SLC44A4: variants seen among roughly 807,000 people sequenced by gnomAD.
SLC44A4 encodes the protein solute carrier family 44 member 4, also known as choline transporter-like protein 4.
A neutral mutation model predicts 97.0 loss-of-function variants in SLC44A4; 74 were observed. That is an observed-to-expected ratio of 0.76 (90% CI 0.63 to 0.93). SLC44A4 has a LOEUF of 0.93. Ranked by LOEUF, SLC44A4 falls within the 40% of genes least tolerant of loss-of-function variation. The pLI, the probability that SLC44A4 is intolerant of heterozygous loss-of-function variation, is 0.00. For missense variants in SLC44A4, 799 were observed against 902.9 expected, an observed-to-expected ratio of 0.88 and a Z score of 1.48; for synonymous variants, 325 against 363.8, an observed-to-expected ratio of 0.89 and a Z score of 1.21.
chr6:31,865,251 C>T lies in SLC44A4; in HGVS notation c.1760+64G>A, dbSNP rs899485532. On this transcript the variant is annotated intron_variant, in intron 17 of 20. Coordinates refer to ENST00000229729, the MANE Select transcript of SLC44A4 (RefSeq NM_025257.3). The surrounding 1 kb of genome is among the most constrained non-coding windows in gnomAD (Gnocchi z 5.2). ...GGCCCGACTGAGCACAGCACACCCA[C>T]GAAGCCAGCCTTGGGTGGGAGATCA... The T allele has an allele frequency of 2.7e-5, 43 of 1,591,774 alleles. No individual in the cohort carries two copies. The highest frequency in any genetic ancestry group is 3.4e-5 in the Non-Finnish European group (40 of 1,160,052).
At chr6:31,871,784 G>A (rs993664276) in intron 7 of SLC44A4, among the ~76,000 whole-genome samples, 1 of 152,122 alleles carries the variant, frequency 6.6e-6, no homozygotes, top group East Asian at 1.9e-4. Context: ...CCTCCTCTCC[G>A]CTGGCCTCAA....
chr6:31,875,934 C>G lies in SLC44A4; in HGVS notation c.164-4G>C. The G allele has an allele frequency of 6.2e-7, 1 of 1,613,900 alleles. No individual in the cohort carries two copies. The highest frequency in any genetic ancestry group is 1.1e-5 in the South Asian group (1 of 91,026). ...CGGGGGTCTCCATACAACCAGGCTG[C>G]AGACAGAGGCACAGATGAGTCATTG... is the stretch of plus-strand genomic sequence containing the variant. On this transcript the variant is annotated splice_polypyrimidine_tract_variant and splice_region_variant and intron_variant, in intron 3 of 20. Coordinates refer to ENST00000229729, the MANE Select transcript of SLC44A4 (RefSeq NM_025257.3).
At chr6:31,869,125 C>G (rs1394214756) in intron 13 of SLC44A4, 30 bp downstream of exon 13, 1 of 1,568,390 alleles carries the variant, frequency 6.4e-7, no homozygotes, top group East Asian at 2.2e-5. Context: ...CCCTACTAGT[C>G]CCGCCTCCAT....
In SLC44A4 at chr6:31,870,995, G is replaced by C. The variant is rs1166940783; in HGVS notation, c.754C>G (p.Leu252Val). 1 of 1,612,722 alleles carries C rather than the reference G, an allele frequency of 6.2e-7. No homozygotes were observed. Among genetic ancestry groups the C allele is most frequent in the Non-Finnish European group, 8.5e-7 (1 of 1,179,936 alleles). The change falls in exon 10 of 21, where the codon CTG (leucine) becomes GTG (valine). Residue 252 changes from leucine (L) to valine (V), a missense_variant. This residue lies in a region of SLC44A4 where 409 missense variants were observed against 434.1 expected (regional missense o/e 0.94). Coordinates refer to ENST00000229729, the MANE Select transcript of SLC44A4 (RefSeq NM_025257.3). ...LSLLFILLLR[L>V]VAGPLVLVLI... ...ACCAGCACCAGGGGCCCAGCCACCAGGCGCAGAAGCAAGATAAACAGTAGG... is the reference window on the plus strand; with the variant it reads ...ACCAGCACCAGGGGCCCAGCCACCACGCGCAGAAGCAAGATAAACAGTAGG...
At position 31,869,231 on chromosome 6, in the gene SLC44A4, T is replaced by C; in HGVS notation, c.1157A>G (p.Gln386Arg). ...GATGTTGGATGCCCAGAGCACATAC[T>C]GGGGTTGCCCCGATGTAGCCAGGTA... ...ALYLATSGQP[Q>R]YVLWASNISS... Residue 386 changes from glutamine (Q) to arginine (R), a missense_variant, in exon 13 of 21, where the codon CAG becomes CGG. By Grantham distance (43) the Gln-to-Arg change is conservative. Coordinates refer to ENST00000229729, the MANE Select transcript of SLC44A4 (RefSeq NM_025257.3). 1 of 1,609,690 alleles carries C rather than the reference T, an allele frequency of 6.2e-7. No homozygotes were observed. Among genetic ancestry groups the C allele is most frequent in the Non-Finnish European group, 8.5e-7 (1 of 1,178,458 alleles).
Position 31,871,893 on chromosome 6 carries a change from G to A in SLC44A4, c.530-332C>T, listed in dbSNP as rs142239160. On this transcript the variant is annotated intron_variant, in intron 7 of 20. Coordinates refer to ENST00000229729, the MANE Select transcript of SLC44A4 (RefSeq NM_025257.3). The stretch of plus-strand genomic sequence containing the variant: ...TGGACTTCATCACTCCAGGGTTCTG[G>A]GTCCCTTTGTGACTCAGACATCTCC... Among the ~76,000 whole-genome samples, 430 of 152,138 alleles carry A rather than the reference G, an allele frequency of 2.8e-3. 3 individuals carry two copies. The highest frequency in any genetic ancestry group is 8.5e-3 in the African/African-American group (352 of 41,482).
Position 31,866,126 on chromosome 6 carries a change from C to T in SLC44A4, c.1234G>A (p.Ala412Thr). The change falls in exon 14 of 21, where the codon GCC (alanine) becomes ACC (threonine). Residue 412 changes from alanine (A) to threonine (T), a missense_variant and splice_region_variant. Transcript: ENST00000229729. ...GGGCACGAGGAGTTCACAAGGTGGG[C>T]CTGGGAGGGTAGACGGGGATAGAGT... ...VPINTSCNPT[A>T]HLVNSSCPGL... 5.0e-6 allele frequency: 8 copies of T among 1,613,648 alleles called. No individual in the cohort carries two copies. Among genetic ancestry groups the T allele is most frequent in the Non-Finnish European group, 6.8e-6 (8 of 1,179,824 alleles).
Position 31,870,907 on chromosome 6 carries a change from C to T in SLC44A4, c.842G>A (p.Arg281Gln), listed in dbSNP as rs746783318. 1.7e-5 allele frequency: 27 copies of T among 1,612,896 alleles called. 1 individual carries two copies. Among genetic ancestry groups the T allele is most frequent in the African/African-American group, 2.7e-5 (2 of 74,880 alleles). The change falls in exon 10 of 21, where the codon CGA (arginine) becomes CAA (glutamine). Residue 281 changes from arginine (R) to glutamine (Q), a missense_variant. Coordinates refer to ENST00000229729, the MANE Select transcript of SLC44A4 (RefSeq NM_025257.3). ...GGAGGCGCCCTTGTCCCGCAGCACT[C>T]GGTACTCCTCCCAGCAGTAGTAGAT... ...YGIYYCWEEYRVLRDKGASIS... is the reference protein window; with the variant it reads ...YGIYYCWEEYQVLRDKGASIS...
rs1030869045 is a variant in SLC44A4, at chr6:31,863,510, C to A, written c.*117G>T. On this transcript the variant is annotated 3_prime_UTR_variant, in exon 21 of 21. Transcript: ENST00000229729. ...CAAAGTGTTGGATTACAGGCGTGAG[C>A]CACGGCGCCTGGCCTAAAACCTTTT... The A allele has an allele frequency of 2.1e-6, 3 of 1,398,100 alleles. No individual in the cohort carries two copies. Among genetic ancestry groups the A allele is most frequent in the Non-Finnish European group, 2.8e-6 (3 of 1,057,956 alleles). 86.6% of individuals were successfully genotyped at this position (1,398,100 alleles called of 1,614,324 possible).
chr6:31,868,197 C>G (rs1253569719), intron 13 of SLC44A4, among the ~76,000 whole-genome samples: 1 of 152,190 alleles, frequency 6.6e-6, no homozygotes, highest in African/African-American at 2.4e-5. Context: ...GAAGATATGA[C>G]AGGTTTGAGA....
At chr6:31,867,824 C>CTTTTT (rs3997888) in intron 13 of SLC44A4, among the ~76,000 whole-genome samples, 2 of 137,612 alleles carry the variant, frequency 1.5e-5, no homozygotes, top group Admixed American at 7.3e-5. Context: ...GTAAATAAAC[C>CTTTTT]TTTTTTTTTT....
At chr6:31,864,075 T>A (rs930635394) in intron 20 of SLC44A4, among the ~76,000 whole-genome samples, 31 of 151,438 alleles carry the variant, frequency 2.0e-4, no homozygotes, top group East Asian at 1.4e-3. Flanking sequence ...TTTTTTTTTT[T>A]AATCTTTTTT....
intron 11 of SLC44A4, 140 bp downstream of exon 11, chr6:31,870,463 A>C: frequency 1.5e-6 from 1 of 654,560 alleles, no homozygotes. Flanking sequence ...AAGCAAAGCC[A>C]CAGCAGTGTT....
chr6:31,867,509 T>C (rs1762927878), intron 13 of SLC44A4, among the ~76,000 whole-genome samples: 1 of 151,924 alleles, frequency 6.6e-6, no homozygotes, highest in South Asian at 2.1e-4. Context: ...GCAGGCAAAT[T>C]GCTTGAGCCC....
chr6:31,867,973 A>T (rs1762953938), intron 13 of SLC44A4, among the ~76,000 whole-genome samples: 1 of 152,068 alleles, frequency 6.6e-6, no homozygotes, highest in Non-Finnish European at 1.5e-5. Flanking sequence ...ACCTGCTACC[A>T]TGCCTGGCTA....
At chr6:31,875,623 G>A (rs946116458) in intron 4 of SLC44A4, among the ~76,000 whole-genome samples, 6 of 152,104 alleles carry the variant, frequency 3.9e-5, no homozygotes. Flanking sequence ...CACTTAACAC[G>A]ACTCTCCACT....
intron 7 of SLC44A4, among the ~76,000 whole-genome samples, chr6:31,872,631 C>T (rs62395845): frequency 0.037 from 5,581 of 150,714 alleles, 158 homozygotes; most frequent in South Asian, 0.1. Context: ...CTCCAGGACT[C>T]AAGTGATCCT....
chr6:31,864,534 TTCGTTTAGC>T, intron 20 of SLC44A4, 109 bp downstream of exon 20: 1 of 934,740 alleles, frequency 1.1e-6, no homozygotes, highest in Non-Finnish European at 1.7e-6. Flanking sequence ...CTCCCTCTGG[TTCGTTTAGC>T]TCACAAAGGC....
At position 31,865,867 on chromosome 6, in the gene SLC44A4, C is replaced by A. The variant is rs1762834145; in HGVS notation, c.1487+6G>T. ...TACAATGACCAGGCCCCTGCCCCAT[C>A]CTTACCGGAGTGTGCGGATGAAGGC... On this transcript the variant is annotated splice_donor_region_variant and intron_variant, in intron 14 of 20. Transcript: ENST00000229729. The surrounding 1 kb of genome is among the most constrained non-coding windows in gnomAD (Gnocchi z 5.2). 2 of 1,614,122 alleles carry A rather than the reference C, an allele frequency of 1.2e-6. No homozygotes were observed. Among genetic ancestry groups the A allele is most frequent in the Non-Finnish European group, 1.7e-6 (2 of 1,179,980 alleles).
Sources: gnomAD v4.1 joint callset for allele counts (sites outside exome capture counted in the v4.1 genomes callset) on GRCh38, gnomAD v4.1.1 for gene constraint, gnomAD v4.1.1 regional missense constraint, Gnocchi (gnomAD v3.1) non-coding constraint, MANE v1.5 for transcripts, NCBI Gene and HGNC (gene_info 2026-07-23, HGNC 2026-07-21) for gene names.